Variants in RBFOX1 observed in about 807,000 individuals in gnomAD.
The protein encoded by RBFOX1 is RNA binding protein fox-1 homolog 1.
A neutral mutation model predicts 57.7 loss-of-function variants in RBFOX1; 8 were observed. The ratio of observed to expected loss-of-function variants is 0.14; its 90% CI spans 0.08 to 0.25. RBFOX1 has a LOEUF of 0.25. Among genes scored for constraint, RBFOX1 ranks in the 10% least tolerant of loss-of-function variants. The pLI is 1.00. For synonymous variants in RBFOX1, 326 were observed against 222.4 expected (o/e 1.47, Z -4.15); for missense variants, 611 against 548.5 (o/e 1.11, Z -1.14).
intron 4 of RBFOX1, among the ~76,000 whole-genome samples, chr16:7,414,184 A>T (rs1334858122): frequency 6.6e-6 from 1 of 152,222 alleles, no homozygotes; most frequent in Non-Finnish European, 1.5e-5. Context: ...TTTCACATAC[A>T]CTTCCATGCA....
intron 2 of RBFOX1, among the ~76,000 whole-genome samples, chr16:5,481,855 G>A (rs985702827): frequency 2.0e-5 from 3 of 152,160 alleles, no homozygotes; most frequent in Non-Finnish European, 4.4e-5. Context: ...TCTTCCCTCT[G>A]TGTGTCTGTG....
intron 3 of RBFOX1, among the ~76,000 whole-genome samples, chr16:5,663,110 G>A (rs1195702119): frequency 6.6e-6 from 1 of 152,162 alleles, no homozygotes; most frequent in African/African-American, 2.4e-5. Flanking sequence ...CAGGGATACT[G>A]CTAAACACCG....
intron 2 of RBFOX1, among the ~76,000 whole-genome samples, chr16:6,598,748 C>A (rs919604453): frequency 2.0e-5 from 3 of 152,032 alleles, no homozygotes; most frequent in Admixed American, 6.6e-5. Context: ...GAGTTCGAGA[C>A]CAGCCGGACC....
intron 2 of RBFOX1, among the ~76,000 whole-genome samples, chr16:6,584,461 G>T (rs2097578897): frequency 6.6e-6 from 1 of 151,464 alleles, no homozygotes; most frequent in Admixed American, 6.6e-5. Flanking sequence ...TCTGCCTCCT[G>T]GGTTCCAGCA....
At chr16:6,055,589 T>TGA (rs1567345234) in intron 1 of RBFOX1, among the ~76,000 whole-genome samples, 3 of 27,736 alleles carry the variant, frequency 1.1e-4, no homozygotes, top group African/African-American at 2.9e-4. Context: ...TGAGACTCCG[T>TGA]CAAAAAAAAA....
At chr16:5,239,791 C>G (rs2062117697), upstream of RBFOX1, 1 of 650,878 alleles carries the variant, frequency 1.5e-6, no homozygotes, top group East Asian at 3.3e-5. Context: ...GCCGCGCGGA[C>G]CCACCGAGCC....
At chr16:5,795,908 C>G (rs1011724206) in intron 3 of RBFOX1, among the ~76,000 whole-genome samples, 1 of 152,156 alleles carries the variant, frequency 6.6e-6, no homozygotes, top group Non-Finnish European at 1.5e-5. Context: ...CTTTTGTTTG[C>G]TCTACTGGAG....
At chr16:6,809,454 G>A (rs12921409) in intron 3 of RBFOX1, among the ~76,000 whole-genome samples, 18,825 of 152,008 alleles carry the variant, frequency 0.12, 1,396 homozygotes, top group Non-Finnish European at 0.15. Context: ...GATTTATGGG[G>A]TACCTGAGAT....
chr16:6,491,700 C>G (rs1313804289), intron 2 of RBFOX1, among the ~76,000 whole-genome samples: 2 of 152,104 alleles, frequency 1.3e-5, no homozygotes, highest in East Asian at 3.9e-4. Context: ...ATTGTTATAC[C>G]CAGGGTTCAT....
At chr16:7,164,405 A>T (rs530522784) in intron 4 of RBFOX1, among the ~76,000 whole-genome samples, 1 of 152,316 alleles carries the variant, frequency 6.6e-6, no homozygotes, top group South Asian at 2.1e-4. Flanking sequence ...TTGCAATTAC[A>T]AATAGTGCTG....
At chr16:6,898,326 T>G (rs375468034) in intron 3 of RBFOX1, among the ~76,000 whole-genome samples, 1 of 151,970 alleles carries the variant, frequency 6.6e-6, no homozygotes, top group African/African-American at 2.4e-5. Flanking sequence ...AGCTTCCCCT[T>G]GGATGGAGGG....
intron 2 of RBFOX1, among the ~76,000 whole-genome samples, chr16:6,587,327 G>A (rs773967948): frequency 2.0e-5 from 3 of 151,982 alleles, no homozygotes; most frequent in Non-Finnish European, 4.4e-5. Flanking sequence ...TGTCACCCAG[G>A]CTATAGTGCC....
chr16:7,066,359 A>G (rs1439039510), intron 4 of RBFOX1, among the ~76,000 whole-genome samples: 1 of 152,192 alleles, frequency 6.6e-6, no homozygotes, highest in Non-Finnish European at 1.5e-5. Context: ...AGCTAAAATG[A>G]TCAGTCCCAT....
chr16:7,354,899 A>G (rs1419073155), intron 4 of RBFOX1, among the ~76,000 whole-genome samples: 1 of 152,204 alleles, frequency 6.6e-6, no homozygotes, highest in Non-Finnish European at 1.5e-5. Context: ...AAAAGATTAA[A>G]TTAATTGTAT....
intron 1 of RBFOX1, among the ~76,000 whole-genome samples, chr16:5,462,164 CTTTCTTTTT>C (rs2068808542): frequency 2.0e-5 from 2 of 101,080 alleles, no homozygotes; most frequent in African/African-American, 9.1e-5. Context: ...TTCTTTCTTT[CTTTCTTTTT>C]TTTTTTTTTT....
chr16:7,700,817 A>G (rs1026378853), intron 14 of RBFOX1, among the ~76,000 whole-genome samples: 3 of 151,400 alleles, frequency 2.0e-5, no homozygotes, highest in Non-Finnish European at 4.4e-5. Flanking sequence ...GTTTCAGAAT[A>G]GGAAGAGGTT....
At chr16:6,425,775 T>C (rs543182354) in intron 2 of RBFOX1, among the ~76,000 whole-genome samples, 6 of 152,316 alleles carry the variant, frequency 3.9e-5, no homozygotes, top group African/African-American at 1.4e-4. Context: ...TTCAGAAGGT[T>C]TAAAATTTCT....
intron 3 of RBFOX1, among the ~76,000 whole-genome samples, chr16:5,726,386 A>T (rs2880430): frequency 0.44 from 66,646 of 151,854 alleles, 18,121 homozygotes; most frequent in East Asian, 0.8. Context: ...GCCCGCATCT[A>T]CTAAACCTCC....
chr16:6,750,829 AG>A (rs1324352858), intron 3 of RBFOX1, among the ~76,000 whole-genome samples: 1 of 152,168 alleles, frequency 6.6e-6, no homozygotes. Flanking sequence ...TAAACGCCAA[AG>A]GGGGATGTGT....
Sources: allele counts gnomAD v4.1 joint callset (sites outside exome capture counted in the v4.1 genomes callset), GRCh38; gene constraint gnomAD v4.1.1; transcripts MANE v1.5; gene names NCBI Gene and HGNC (gene_info 2026-07-23, HGNC 2026-07-21).